The following DHRS7B variants were observed in gnomAD, a reference collection of about 807,000 sequenced individuals.
The protein encoded by DHRS7B is dehydrogenase/reductase 7B.
Under a neutral mutation model 26.4 loss-of-function variants are expected in DHRS7B, and 24 were observed. The ratio of observed to expected loss-of-function variants is 0.91; its 90% CI spans 0.66 to 1.28. The LOEUF is 1.28. DHRS7B is among the 50% of genes most tolerant of loss of function. The pLI, the probability that DHRS7B is intolerant of heterozygous loss-of-function variation, is 0.00. For synonymous variants in DHRS7B, 142 were observed against 166.4 expected (o/e 0.85, Z 1.13); for missense variants, 368 against 419.4 (o/e 0.88, Z 1.07).
intron 2 of DHRS7B, among the ~76,000 whole-genome samples, chr17:21,175,781 T>G (rs1163389302): frequency 6.6e-6 from 1 of 151,916 alleles, no homozygotes; most frequent in East Asian, 2.0e-4. Context: ...CTACAAAAGT[T>G]AGCCAAGCAT....
At chr17:21,153,721 G>A (rs978815445) in intron 1 of DHRS7B, among the ~76,000 whole-genome samples, 27 of 152,084 alleles carry the variant, frequency 1.8e-4, no homozygotes, top group African/African-American at 6.5e-4. Flanking sequence ...CGTGGCAGAC[G>A]GGATAGAATG....
chr17:21,160,138 A>G (rs973402737), intron 1 of DHRS7B, among the ~76,000 whole-genome samples: 2 of 151,812 alleles, frequency 1.3e-5, no homozygotes, highest in Admixed American at 1.3e-4. Flanking sequence ...GGTAGATCAC[A>G]ATGTCATGAG....
intron 1 of DHRS7B, chr17:21,166,128 C>A (rs540444133): frequency 4.3e-5 from 42 of 985,076 alleles, no homozygotes; most frequent in Admixed American, 1.2e-4. Context: ...CTTTCTCCGC[C>A]CCCCCTCACA....
At chr17:21,155,466 G>A (rs1973859887) in intron 1 of DHRS7B, among the ~76,000 whole-genome samples, 1 of 152,196 alleles carries the variant, frequency 6.6e-6, no homozygotes, top group Non-Finnish European at 1.5e-5. Flanking sequence ...ACATAATAGA[G>A]CATCAAAATA....
intron 1 of DHRS7B, among the ~76,000 whole-genome samples, chr17:21,149,913 A>G (rs1050472888): frequency 3.3e-5 from 5 of 152,180 alleles, no homozygotes; most frequent in African/African-American, 1.2e-4. Flanking sequence ...GTAAGTTCTT[A>G]TCAATAATAA....
chr17:21,165,412 ACCT>A (rs1484854300), intron 1 of DHRS7B, among the ~76,000 whole-genome samples: 4 of 150,996 alleles, frequency 2.6e-5, no homozygotes, highest in Non-Finnish European at 5.9e-5. Context: ...CACCATCTCC[ACCT>A]CCTGTGTTCA....
intron 2 of DHRS7B, among the ~76,000 whole-genome samples, chr17:21,174,532 A>G (rs150995668): frequency 6.6e-6 from 1 of 152,198 alleles, no homozygotes; most frequent in Admixed American, 6.5e-5. Flanking sequence ...GCTTTTCAAT[A>G]AATGAAAATG....
In DHRS7B at chr17:21,165,568, C is replaced by A. The variant is rs149772950; in HGVS notation, c.21-6450C>A. Among the ~76,000 whole-genome samples, 803 of 152,156 alleles carry A rather than the reference C, an allele frequency of 5.3e-3. 8 individuals carry two copies. Among genetic ancestry groups the A allele is most frequent in the African/African-American group, 0.018 (748 of 41,514 alleles). ...AAACTTGTGAGCTCAAGCAGTCCAC[C>A]CATCCTGGCCTCCCAAAATGGTGAG... On this transcript the variant is annotated intron_variant, in intron 1 of 6. Coordinates refer to ENST00000395511, the MANE Select transcript of DHRS7B (RefSeq NM_015510.5).
chr17:21,179,762 C>CT (rs55928399), intron 3 of DHRS7B, among the ~76,000 whole-genome samples: 1,525 of 137,592 alleles, frequency 0.011, 22 homozygotes, highest in African/African-American at 0.034. Flanking sequence ...TTTTCACTTT[C>CT]TTTTTTTTTT....
At chr17:21,141,693 G>A (rs1166680113) in intron 1 of DHRS7B, among the ~76,000 whole-genome samples, 2 of 144,734 alleles carry the variant, frequency 1.4e-5, no homozygotes, top group African/African-American at 5.1e-5. Context: ...CATCATTATG[G>A]AAGCAGGAAA....
rs1432302255 is a variant in DHRS7B at position 21,132,346 on chromosome 17, A to ATAT, written c.20+5355_20+5356insTAT. On this transcript the variant is annotated intron_variant, in intron 1 of 6. Transcript: ENST00000395511. ...GGAGACCCCATCTCTTAAAAAAAAA[A>ATAT]AAATATATATATATATAGATAGATA... is the stretch of plus-strand genomic sequence containing the variant. Among the ~76,000 whole-genome samples the ATAT allele has an allele frequency of 5.7e-3, 776 of 136,760 alleles. 9 individuals carry two copies. Among genetic ancestry groups the ATAT allele is most frequent in the African/African-American group, 0.022 (739 of 33,284 alleles). 89.7% of individuals were successfully genotyped at this position (136,760 alleles called of 152,430 possible).
At chr17:21,127,914 GA>G (rs907068179) in intron 1 of DHRS7B, 2 of 152,156 alleles carry the variant, frequency 1.3e-5, no homozygotes, top group African/African-American at 2.4e-5. Context: ...CAAGGGTGTG[GA>G]ATATGCCTTC....
At chr17:21,178,416 C>T (rs1974434570) in intron 3 of DHRS7B, 74 bp downstream of exon 3, 1 of 1,210,414 alleles carries the variant, frequency 8.3e-7, no homozygotes, top group Admixed American at 1.8e-5. Flanking sequence ...GATAGTGGCC[C>T]ACTCCTGGAC....
Position 21,126,991 on chromosome 17 carries a change from G to C in DHRS7B, c.20G>C (p.Arg7Thr). 6.5e-7 allele frequency: 1 copy of C among 1,527,590 alleles called. No homozygotes were observed. The highest frequency in any genetic ancestry group is 8.8e-7 in the Non-Finnish European group (1 of 1,137,458). 94.6% of individuals were successfully genotyped at this position (1,527,590 alleles called of 1,614,324 possible). A position where few individuals can be genotyped will look rare whatever the true frequency, so the allele number is the denominator to read the frequency against. Reference sequence around the variant, plus strand: ...TTGACTATGGTCTCTCCGGCTACCAGGTAGGGGCTGGGGAAGAAGGAACCT... The same window carrying C: ...TTGACTATGGTCTCTCCGGCTACCACGTAGGGGCTGGGGAAGAAGGAACCT... Reference protein sequence around the residue: MVSPATRKSLPKVKAMD... With the variant: MVSPATTKSLPKVKAMD... Residue 7 changes from arginine to threonine, a missense_variant and splice_region_variant, in exon 1 of 7, where the codon AGG (arginine) becomes ACG (threonine). By Grantham distance (71) the Arg-to-Thr change is moderately conservative. Transcript: ENST00000395511.
At chr17:21,136,985 T>C (rs556213914) in intron 1 of DHRS7B, among the ~76,000 whole-genome samples, 1 of 151,450 alleles carries the variant, frequency 6.6e-6, no homozygotes. Flanking sequence ...TTTTTTTTTT[T>C]TGTGAGACAG....
intron 1 of DHRS7B, among the ~76,000 whole-genome samples, chr17:21,150,344 T>C (rs2143990158): frequency 6.6e-6 from 1 of 152,246 alleles, no homozygotes; most frequent in Middle Eastern, 3.4e-3. Context: ...TGTCCGGGCA[T>C]GGTGGCTCAT....
At chr17:21,133,713 A>G (rs1973286800) in intron 1 of DHRS7B, among the ~76,000 whole-genome samples, 1 of 152,218 alleles carries the variant, frequency 6.6e-6, no homozygotes, top group African/African-American at 2.4e-5. Context: ...TCTCATGGTT[A>G]GGATGGTTTA....
intron 1 of DHRS7B, among the ~76,000 whole-genome samples, chr17:21,140,841 A>T (rs1973490568): frequency 6.6e-6 from 1 of 152,112 alleles, no homozygotes. Context: ...GAATGCTCAA[A>T]AGGGGTCATT....
In DHRS7B at chr17:21,183,743, C is replaced by T. The variant is rs1277738480; in HGVS notation, c.459C>T (p.Asp153=). 4 of 1,614,216 alleles carry T rather than the reference C, an allele frequency of 2.5e-6. No individual in the cohort carries two copies. In the East Asian group the frequency reaches 8.9e-5, roughly 36 times the overall value. The change falls in exon 4 of 7, where the codon GAC becomes GAT. Residue 153 remains aspartate (D), a synonymous_variant. Coordinates refer to ENST00000395511, the MANE Select transcript of DHRS7B (RefSeq NM_015510.5). ...TCAGCTACCGTGGTACCATCATGGA[C>T]ACCACAGTGGATGTGGACAAGAGGG... is the stretch of plus-strand genomic sequence containing the variant. ...AGISYRGTIM[D]TTVDVDKRVM...
Sources: allele counts gnomAD v4.1 joint callset (sites outside exome capture counted in the v4.1 genomes callset), GRCh38; gene constraint gnomAD v4.1.1; transcripts MANE v1.5; gene names NCBI Gene and HGNC (gene_info 2026-07-23, HGNC 2026-07-21).